EEA1: variants seen among roughly 807,000 people sequenced by gnomAD.
EEA1 encodes the protein early endosome antigen 1, also known as early endosome antigen 1, 162kD.
Under a neutral mutation model 209.2 loss-of-function variants are expected in EEA1, and 111 were observed. The observed-to-expected ratio is 0.53, with a 90% CI of 0.45 to 0.62. The LOEUF is 0.62. Ranked by LOEUF, EEA1 falls within the 20% of genes least tolerant of loss-of-function variation. EEA1 has a pLI of 0.00. For missense variants in EEA1, 1,343 were observed against 1,530.8 expected, an observed-to-expected ratio of 0.88 and a Z score of 2.05; for synonymous variants, 536 against 540.6, an observed-to-expected ratio of 0.99 and a Z score of 0.12.
chr12:92,791,592 C>A (rs1187015751), intron 21 of EEA1, among the ~76,000 whole-genome samples: 1 of 152,156 alleles, frequency 6.6e-6, no homozygotes, highest in Non-Finnish European at 1.5e-5. Flanking sequence ...AATGTATATG[C>A]ACCCAATACA....
chr12:92,869,790 G>GAAAAAAAAAAAAAAAAA (rs1230847458), intron 2 of EEA1, among the ~76,000 whole-genome samples: 13 of 69,058 alleles, frequency 1.9e-4, no homozygotes, highest in Non-Finnish European at 3.2e-4. Flanking sequence ...AAAAAAAAAG[G>GAAAAAAAAAAAAAAAAA]AAAGCCCTTA....
At chr12:92,780,208 T>C (rs1015258605) in intron 24 of EEA1, 72 bp downstream of exon 24, 12 of 1,442,622 alleles carry the variant, frequency 8.3e-6, no homozygotes, top group African/African-American at 1.5e-5. Flanking sequence ...TAAATAAATA[T>C]GTATGGGTAT....
At chr12:92,873,893 T>A (rs1274354313) in intron 2 of EEA1, among the ~76,000 whole-genome samples, 1 of 152,176 alleles carries the variant, frequency 6.6e-6, no homozygotes, top group Non-Finnish European at 1.5e-5. Flanking sequence ...TTAATAACCT[T>A]TAAAGGAGAT....
rs752843537 is a variant in EEA1 at position 92,778,189 on chromosome 12, AG to A, written c.3655-11del. The A allele has an allele frequency of 1.2e-6, 2 of 1,601,676 alleles. No homozygotes were observed. Among genetic ancestry groups the A allele is most frequent in the Non-Finnish European group, 8.5e-7 (1 of 1,172,048 alleles). ...CTTTTATTTCGGAATGCTGAAAAAA[AG>A]GAAAAGTTGGGGGGAAATCTATTAC... On this transcript the variant is annotated splice_polypyrimidine_tract_variant and intron_variant, in intron 25 of 28. Coordinates refer to ENST00000322349, the MANE Select transcript of EEA1 (RefSeq NM_003566.4).
intron 21 of EEA1, among the ~76,000 whole-genome samples, chr12:92,796,086 G>GA (rs796126018): frequency 0.01 from 1,447 of 143,768 alleles, 27 homozygotes; most frequent in African/African-American, 0.03. Context: ...GAAGTTAAAT[G>GA]AAAAAAAAAA....
chr12:92,915,399 G>A (rs953521143), intron 1 of EEA1, among the ~76,000 whole-genome samples: 3 of 152,156 alleles, frequency 2.0e-5, no homozygotes, highest in African/African-American at 7.2e-5. Context: ...GCCTGGAAAG[G>A]CTGAGGTTGC....
intron 1 of EEA1, among the ~76,000 whole-genome samples, chr12:92,904,489 T>C (rs1005782917): frequency 6.6e-6 from 1 of 152,200 alleles, no homozygotes; most frequent in African/African-American, 2.4e-5. Context: ...CACAATTTAA[T>C]TGAATTCTGA....
At chr12:92,783,622 C>G (rs968605452) in intron 22 of EEA1, among the ~76,000 whole-genome samples, 2 of 152,002 alleles carry the variant, frequency 1.3e-5, no homozygotes, top group African/African-American at 4.8e-5. Flanking sequence ...TGTTTTAAAG[C>G]CCAAGTATTT....
rs550985069 is a variant in EEA1, at chr12:92,779,389, A to T, written c.3469-89T>A. Reference sequence around the variant, plus strand: ...AAATTTATGCAATTTATCACAATAGATCAAATATAGGTTTTACCCACTTAT... The same window carrying T: ...AAATTTATGCAATTTATCACAATAGTTCAAATATAGGTTTTACCCACTTAT... On this transcript the variant is annotated intron_variant, in intron 24 of 28. Transcript: ENST00000322349. 1.6e-4 allele frequency: 190 copies of T among 1,210,938 alleles called. No individual in the cohort carries two copies. The South Asian group carries it at 2.7e-3, about 17-fold the overall frequency. 75.0% of individuals were successfully genotyped at this position (1,210,938 alleles called of 1,614,324 possible).
chr12:92,831,576 CTA>C lies in EEA1; in HGVS notation c.1254+934_1254+935del, dbSNP rs1055764775. ...TCATGATATATTGTGTGTATATATACTATATATATAAAATATATATTTCATAA... is the reference window on the plus strand; with the variant it reads ...TCATGATATATTGTGTGTATATATACTATATATAAAATATATATTTCATAA... On this transcript the variant is annotated intron_variant, in intron 11 of 28. Coordinates refer to ENST00000322349, the MANE Select transcript of EEA1 (RefSeq NM_003566.4). 1.1e-4 allele frequency among the ~76,000 whole-genome samples: 15 copies of C among 141,116 alleles called. No individual in the cohort carries two copies. In the East Asian group the frequency reaches 1.6e-3, roughly 15 times the overall value. The allele number at this position is 141,116 out of a possible 152,430, so 92.6% of individuals were successfully genotyped here. A position where few individuals can be genotyped will look rare whatever the true frequency, so the allele number is the denominator to read the frequency against.
intron 1 of EEA1, among the ~76,000 whole-genome samples, chr12:92,898,741 T>TCCC: frequency 7.5e-6 from 1 of 132,750 alleles, no homozygotes; most frequent in Non-Finnish European, 1.6e-5. Flanking sequence ...CTTTTTTTTT[T>TCCC]TTTTTTTTTT....
At chr12:92,815,630 T>C (rs1875743626) in intron 15 of EEA1, among the ~76,000 whole-genome samples, 1 of 152,108 alleles carries the variant, frequency 6.6e-6, no homozygotes, top group South Asian at 2.1e-4. Context: ...AAAAATTATG[T>C]CTTACTGCTT....
chr12:92,911,464 A>G (rs1880579592), intron 1 of EEA1, among the ~76,000 whole-genome samples: 1 of 152,212 alleles, frequency 6.6e-6, no homozygotes, highest in Non-Finnish European at 1.5e-5. Flanking sequence ...GAAAAGATCA[A>G]TGTTTGCCAA....
chr12:92,882,228 C>T (rs943178157), intron 2 of EEA1, among the ~76,000 whole-genome samples: 1 of 151,992 alleles, frequency 6.6e-6, no homozygotes, highest in Non-Finnish European at 1.5e-5. Context: ...CTGCCTCAGC[C>T]TCCTGAGTAG....
intron 18 of EEA1, among the ~76,000 whole-genome samples, chr12:92,805,478 G>C (rs1592711545): frequency 6.6e-6 from 1 of 151,990 alleles, no homozygotes; most frequent in African/African-American, 2.4e-5. Flanking sequence ...TTTACTACTG[G>C]AACAGTCAAG....
rs1342245919 is a variant in EEA1 at position 92,929,187 on chromosome 12, G to A, written c.-121C>T. ...GGAGGGGACCGGGAAGGAGGTCGGGGCGAGGCGGTGGCGACGGCCGCTCGG... is the reference window on the plus strand; with the variant it reads ...GGAGGGGACCGGGAAGGAGGTCGGGACGAGGCGGTGGCGACGGCCGCTCGG... On this transcript the variant is annotated 5_prime_UTR_variant, in exon 1 of 29. Transcript: ENST00000322349. 18 of 1,063,016 alleles carry A rather than the reference G, an allele frequency of 1.7e-5. No homozygotes were observed. The Middle Eastern group carries it at 9.2e-4, about 54-fold the overall frequency. The allele number at this position is 1,063,016 out of a possible 1,614,324, so 65.8% of individuals were successfully genotyped here.
chr12:92,780,487 GCTA>G, intron 23 of EEA1, 76 bp from the exon 24 acceptor site: 1 of 1,064,494 alleles, frequency 9.4e-7, no homozygotes, highest in South Asian at 1.8e-5. Flanking sequence ...AAAAATGACT[GCTA>G]CTATTGATGA....
chr12:92,816,327 T>C lies in EEA1; in HGVS notation c.1802A>G (p.Gln601Arg), dbSNP rs149044442. 1 of 1,614,032 alleles carries C rather than the reference T, an allele frequency of 6.2e-7. No homozygotes were observed. The highest frequency in any genetic ancestry group is 1.7e-4 in the Middle Eastern group (1 of 6,060). The change falls in exon 15 of 29, where the codon CAG becomes CGG. Residue 601 changes from glutamine to arginine, a missense_variant. Physicochemically the swap from Gln to Arg is conservative, Grantham distance 43 (BLOSUM62 1). Transcript: ENST00000322349. ...HKQAQENLHD[Q>R]VQEQKAHLRA... The stretch of plus-strand genomic sequence containing the variant: ...AAGATGTGCCTTCTGCTCTTGTACC[T>C]GGTCATGCAAATTCTCCTGGGCTTG...
intron 11 of EEA1, among the ~76,000 whole-genome samples, chr12:92,831,083 T>C (rs1876605646): frequency 1.3e-5 from 2 of 152,336 alleles, no homozygotes; most frequent in Admixed American, 1.3e-4. Context: ...CTCTAATTTC[T>C]GAAACATAAC....
Sources: gnomAD v4.1 joint callset for allele counts (sites outside exome capture counted in the v4.1 genomes callset) on GRCh38, gnomAD v4.1.1 for gene constraint, MANE v1.5 for transcripts, NCBI Gene and HGNC (gene_info 2026-07-23, HGNC 2026-07-21) for gene names.